SMIM13: variants seen among roughly 807,000 people sequenced by gnomAD.
The protein encoded by SMIM13 is UPF0766 protein C6orf228.
In SMIM13, 3 loss-of-function variants were observed where a neutral mutation model predicts 5.9. The ratio of observed to expected loss-of-function variants is 0.51; its 90% confidence interval spans 0.23 to 1.31. SMIM13 has a LOEUF of 1.31. SMIM13 is among the 40% of genes most tolerant of loss of function. The probability of loss-of-function intolerance (pLI) is 0.18; values close to 1 mark genes in which losing one functional copy is unlikely to be tolerated. For missense variants in SMIM13, 85 were observed against 109.9 expected (o/e 0.77, Z 1.01); for synonymous variants, 55 against 46.0 (o/e 1.19, Z -0.79).
At chr6:11,102,847 A>G (rs903412146) in intron 1 of SMIM13, 3 of 152,348 alleles carry the variant, frequency 2.0e-5, no homozygotes, top group African/African-American at 7.2e-5. Flanking sequence ...GTAAGGTAGC[A>G]TGATAGTCCA....
chr6:11,114,926 AT>A (rs563838616), intron 1 of SMIM13, among the ~76,000 whole-genome samples: 32 of 152,230 alleles, frequency 2.1e-4, no homozygotes, highest in African/African-American at 7.7e-4. Flanking sequence ...AAGTCTGTTA[AT>A]ATGGTGGATT....
chr6:11,122,520 G>A (rs963957334), intron 1 of SMIM13, among the ~76,000 whole-genome samples: 1 of 151,518 alleles, frequency 6.6e-6, no homozygotes, highest in African/African-American at 2.4e-5. Context: ...ATGGACCAAA[G>A]GTCAGGCCTG....
intron 1 of SMIM13, among the ~76,000 whole-genome samples, chr6:11,116,982 CTTTTTTTTTTTT>C (rs68092921): frequency 1.1e-4 from 5 of 46,446 alleles, no homozygotes; most frequent in African/African-American, 4.5e-4. Context: ...ATAATTGTTT[CTTTTTTTTTTTT>C]TTTTTTTTTT....
At chr6:11,132,988 A>G (rs1222953733) in intron 1 of SMIM13, among the ~76,000 whole-genome samples, 5 of 152,196 alleles carry the variant, frequency 3.3e-5, no homozygotes, top group African/African-American at 4.8e-5. Flanking sequence ...CCTATGGACA[A>G]CCACAACTGA....
chr6:11,122,195 A>G (rs1176550584), intron 1 of SMIM13, among the ~76,000 whole-genome samples: 2 of 152,148 alleles, frequency 1.3e-5, no homozygotes, highest in African/African-American at 4.8e-5. Context: ...CTGGAGATTG[A>G]TTTTGGGATA....
intron 1 of SMIM13, among the ~76,000 whole-genome samples, chr6:11,117,801 G>A (rs532536230): frequency 6.6e-6 from 1 of 151,174 alleles, no homozygotes; most frequent in South Asian, 2.1e-4. Context: ...CCAGGCTGGA[G>A]TGCAGTGGCA....
chr6:11,116,534 A>G (rs1758242806), intron 1 of SMIM13, among the ~76,000 whole-genome samples: 2 of 152,206 alleles, frequency 1.3e-5, no homozygotes, highest in African/African-American at 4.8e-5. Flanking sequence ...CTGTTTCTTT[A>G]TTAGATATTG....
chr6:11,096,455 A>G (rs2113635052), intron 1 of SMIM13, among the ~76,000 whole-genome samples: 1 of 152,314 alleles, frequency 6.6e-6, no homozygotes, highest in East Asian at 1.9e-4. Context: ...AATAGTCAAG[A>G]ACTAAAAGCT....
chr6:11,126,143 G>T (rs531105419), intron 1 of SMIM13, among the ~76,000 whole-genome samples: 1 of 152,068 alleles, frequency 6.6e-6, no homozygotes, highest in African/African-American at 2.4e-5. Flanking sequence ...TCCGCCTCCC[G>T]GGTTCAAGCA....
intron 1 of SMIM13, among the ~76,000 whole-genome samples, chr6:11,129,740 A>G (rs565187438): frequency 6.6e-6 from 1 of 151,996 alleles, no homozygotes; most frequent in South Asian, 2.1e-4. Flanking sequence ...TTTTTGGTAT[A>G]TTTTTAATTC....
chr6:11,105,509 C>T (rs1581912588), intron 1 of SMIM13: 2 of 561,588 alleles, frequency 3.6e-6, no homozygotes, highest in East Asian at 3.0e-5. Context: ...TTAGATCTTC[C>T]AGTGCCTTGC....
At chr6:11,110,318 A>G (rs973992874) in intron 1 of SMIM13, among the ~76,000 whole-genome samples, 1 of 152,138 alleles carries the variant, frequency 6.6e-6, no homozygotes, top group African/African-American at 2.4e-5. Flanking sequence ...TCTCTGTTCT[A>G]TGGGTACTTT....
intron 1 of SMIM13, among the ~76,000 whole-genome samples, chr6:11,120,866 A>T (rs1238651003): frequency 1.3e-5 from 2 of 152,350 alleles, no homozygotes; most frequent in South Asian, 2.1e-4. Context: ...GCACTGTGTG[A>T]ACTGATAACT....
intron 1 of SMIM13, among the ~76,000 whole-genome samples, chr6:11,126,539 TTCTCTTTAATTTTG>T (rs1406368777): frequency 6.6e-6 from 1 of 152,198 alleles, no homozygotes; most frequent in African/African-American, 2.4e-5. Flanking sequence ...TTCAAATTCA[TTCTCTTTAATTTTG>T]TTGAGCCTCC....
intron 1 of SMIM13, among the ~76,000 whole-genome samples, chr6:11,095,588 G>A (rs544593861): frequency 6.6e-6 from 1 of 152,332 alleles, no homozygotes; most frequent in East Asian, 1.9e-4. Flanking sequence ...CTGACCTCAT[G>A]TGATCTACCC....
Position 11,097,947 on chromosome 6 carries a change from C to T in SMIM13, c.76+3558C>T, listed in dbSNP as rs117325040. Among the ~76,000 whole-genome samples, 9 of 152,088 alleles carry T rather than the reference C, an allele frequency of 5.9e-5. No homozygotes were observed. The East Asian group carries it at 1.2e-3, about 20-fold the overall frequency. On this transcript the variant is annotated intron_variant, in intron 1 of 1. Transcript: ENST00000416247. ...CATAACTTATCTGCTCCCTGCTCGC[C>T]GCCCCCCCACCCAATTTCTGAGATT...
chr6:11,131,897 C>A (rs1289760740), intron 1 of SMIM13, among the ~76,000 whole-genome samples: 1 of 151,994 alleles, frequency 6.6e-6, no homozygotes, highest in Non-Finnish European at 1.5e-5. Flanking sequence ...AAAGTACAAG[C>A]AAACAAAGGA....
intron 1 of SMIM13, among the ~76,000 whole-genome samples, chr6:11,124,763 G>A (rs1221321534): frequency 1.3e-5 from 2 of 152,114 alleles, no homozygotes; most frequent in Admixed American, 6.6e-5. Context: ...TTTCTCTGAT[G>A]ATCAGTGATG....
chr6:11,102,854 T>G (rs1196225024), intron 1 of SMIM13: 4 of 152,156 alleles, frequency 2.6e-5, no homozygotes, highest in Non-Finnish European at 5.9e-5. Context: ...AGCATGATAG[T>G]CCAAGGCAAG....
Sources: gnomAD v4.1 joint callset for allele counts (sites outside exome capture counted in the v4.1 genomes callset) on GRCh38, gnomAD v4.1.1 for gene constraint, MANE v1.5 for transcripts, NCBI Gene and HGNC (gene_info 2026-07-23, HGNC 2026-07-21) for gene names.